The following SPAG16 variants were observed in gnomAD, a reference collection of about 807,000 sequenced individuals.
SPAG16 encodes sperm associated antigen 16.
A neutral mutation model predicts 80.4 loss-of-function variants in SPAG16; 86 were observed. The observed-to-expected ratio is 1.07, with a 90% CI of 0.90 to 1.28. SPAG16 has a LOEUF of 1.28. Ranked by LOEUF, SPAG16 falls within the 50% of genes most tolerant of loss-of-function variation. The pLI, the probability that SPAG16 is intolerant of heterozygous loss-of-function variation, is 0.00. For missense variants in SPAG16, 870 were observed against 765.3 expected, an observed-to-expected ratio of 1.14 and a Z score of -1.61; for synonymous variants, 294 against 265.9, an observed-to-expected ratio of 1.11 and a Z score of -1.03.
At chr2:213,604,949 T>C (rs2061202326) in intron 10 of SPAG16, among the ~76,000 whole-genome samples, 1 of 149,140 alleles carries the variant, frequency 6.7e-6, no homozygotes, top group Non-Finnish European at 1.5e-5. Flanking sequence ...AAAATATTTA[T>C]ATTAAATACA....
intron 15 of SPAG16, among the ~76,000 whole-genome samples, chr2:214,272,972 A>C (rs1692150153): frequency 6.6e-6 from 1 of 152,106 alleles, no homozygotes; most frequent in Non-Finnish European, 1.5e-5. Flanking sequence ...TGACTTTTTA[A>C]TGATCGCCAT....
chr2:214,275,986 G>A (rs1386263067), intron 15 of SPAG16, among the ~76,000 whole-genome samples: 1 of 152,120 alleles, frequency 6.6e-6, no homozygotes, highest in African/African-American at 2.4e-5. Flanking sequence ...CCTGTATTGG[G>A]TGCATATATA....
intron 14 of SPAG16, among the ~76,000 whole-genome samples, chr2:214,136,698 C>T (rs1294278093): frequency 6.6e-6 from 1 of 152,154 alleles, no homozygotes; most frequent in Non-Finnish European, 1.5e-5. Flanking sequence ...CAAATCTTAC[C>T]TTCTCTTTCC....
chr2:213,553,000 C>G (rs1246918155), intron 10 of SPAG16, among the ~76,000 whole-genome samples: 2 of 152,202 alleles, frequency 1.3e-5, no homozygotes, highest in Non-Finnish European at 2.9e-5. Flanking sequence ...CTGTCAGCTT[C>G]CCTGCTTTTG....
At chr2:213,816,927 A>C (rs564937502) in intron 10 of SPAG16, among the ~76,000 whole-genome samples, 56 of 152,128 alleles carry the variant, frequency 3.7e-4, no homozygotes, top group African/African-American at 1.3e-3. Context: ...TCTGAGTGCC[A>C]AGAAGAATCA....
intron 5 of SPAG16, among the ~76,000 whole-genome samples, chr2:213,332,742 TA>T (rs2064163807): frequency 6.6e-6 from 1 of 152,196 alleles, no homozygotes; most frequent in Non-Finnish European, 1.5e-5. Context: ...ATCAGTGTGA[TA>T]CATTACATCA....
chr2:213,515,267 C>G (rs545114383), intron 10 of SPAG16, among the ~76,000 whole-genome samples: 1 of 152,148 alleles, frequency 6.6e-6, no homozygotes, highest in Non-Finnish European at 1.5e-5. Flanking sequence ...TCAAACTGCA[C>G]TTTATCCTCC....
At chr2:213,580,953 C>T (rs114837427) in intron 10 of SPAG16, among the ~76,000 whole-genome samples, 2,300 of 151,778 alleles carry the variant, frequency 0.015, 29 homozygotes, top group South Asian at 0.052. Flanking sequence ...TTAAGTAAGC[C>T]TATATTTTGT....
At chr2:213,935,009 T>C (rs1437126130) in intron 12 of SPAG16, among the ~76,000 whole-genome samples, 1 of 148,306 alleles carries the variant, frequency 6.7e-6, no homozygotes, top group Non-Finnish European at 1.5e-5. Flanking sequence ...GAGACCATCC[T>C]GGCTAACACG....
chr2:213,717,555 C>T (rs181672102), intron 10 of SPAG16, among the ~76,000 whole-genome samples: 1 of 146,908 alleles, frequency 6.8e-6, no homozygotes, highest in Non-Finnish European at 1.5e-5. Context: ...GACTTAAACT[C>T]TTTTTTTTTT....
chr2:214,224,924 G>T (rs1225606222), intron 15 of SPAG16, among the ~76,000 whole-genome samples: 1 of 152,036 alleles, frequency 6.6e-6, no homozygotes, highest in Non-Finnish European at 1.5e-5. Flanking sequence ...AAATAATAGG[G>T]AAATTAACTG....
At chr2:214,231,609 T>C (rs1272424999) in intron 15 of SPAG16, among the ~76,000 whole-genome samples, 1 of 152,074 alleles carries the variant, frequency 6.6e-6, no homozygotes, top group African/African-American at 2.4e-5. Flanking sequence ...GAGGGCTTCA[T>C]GTAGCCAAGT....
chr2:213,562,229 G>A (rs747987146), intron 10 of SPAG16, among the ~76,000 whole-genome samples: 4 of 152,184 alleles, frequency 2.6e-5, no homozygotes, highest in African/African-American at 9.6e-5. Flanking sequence ...GGAGAAGAAA[G>A]TTCATGTGTT....
intron 12 of SPAG16, among the ~76,000 whole-genome samples, chr2:214,012,240 A>G (rs1337698648): frequency 2.1e-4 from 28 of 133,176 alleles, no homozygotes; most frequent in African/African-American, 7.2e-4. Context: ...TTACTTATAT[A>G]TATATATTTT....
intron 11 of SPAG16, among the ~76,000 whole-genome samples, chr2:213,874,847 T>C (rs1419282530): frequency 6.6e-6 from 1 of 152,096 alleles, no homozygotes; most frequent in African/African-American, 2.4e-5. Flanking sequence ...AAGTGGAGAA[T>C]TAGGACCATT....
rs1397863964 is a variant in SPAG16, at chr2:214,126,496, T to C, written c.1593+18235T>C. On this transcript the variant is annotated intron_variant, in intron 14 of 15. Coordinates refer to ENST00000331683, the MANE Select transcript of SPAG16 (RefSeq NM_024532.5). ...AACATGAATCTTGGTATTGTAAACA[T>C]TATGATGACACAACCCTATTCATAT... is the stretch of plus-strand genomic sequence containing the variant. Among the ~76,000 whole-genome samples, 33 of 151,684 alleles carry C rather than the reference T, an allele frequency of 2.2e-4. 1 individual carries two copies. The Admixed American group carries it at 2.2e-3, about 10-fold the overall frequency.
chr2:213,627,207 C>A (rs1284871032), intron 10 of SPAG16, among the ~76,000 whole-genome samples: 1 of 152,170 alleles, frequency 6.6e-6, no homozygotes, highest in Non-Finnish European at 1.5e-5. Flanking sequence ...ATTGAAGAGT[C>A]TGCAAGTGCT....
At chr2:213,452,040 G>A (rs1291582727) in intron 9 of SPAG16, among the ~76,000 whole-genome samples, 11 of 151,920 alleles carry the variant, frequency 7.2e-5, no homozygotes, top group African/African-American at 2.7e-4. Flanking sequence ...GCTTATTATG[G>A]CACACTGTTT....
chr2:214,337,946 G>T (rs1697410447), intron 15 of SPAG16, among the ~76,000 whole-genome samples: 1 of 151,958 alleles, frequency 6.6e-6, no homozygotes, highest in Non-Finnish European at 1.5e-5. Flanking sequence ...ATTCCTGCTA[G>T]AAATTCCTGC....
Sources: gnomAD v4.1 joint callset for allele counts (sites outside exome capture counted in the v4.1 genomes callset) on GRCh38, gnomAD v4.1.1 for gene constraint, MANE v1.5 for transcripts, NCBI Gene and HGNC (gene_info 2026-07-23, HGNC 2026-07-21) for gene names.